VPS54: variants seen among roughly 807,000 people sequenced by gnomAD.
The protein encoded by VPS54 is VPS54 subunit of GARP complex, also known as vacuolar protein sorting-associated protein 54.
VPS54 carries 45 observed loss-of-function variants against 121.5 expected under a neutral mutation model. The observed-to-expected ratio is 0.37, with a 90% CI of 0.29 to 0.47. The LOEUF (loss-of-function observed/expected upper bound fraction) is 0.47, where lower values mean the gene tolerates loss of function less well. Among genes scored for constraint, VPS54 ranks in the 20% least tolerant of loss-of-function variants. VPS54 has a pLI of 0.99. For missense variants in VPS54, 1,090 were observed against 1,131.4 expected (o/e 0.96, Z 0.52); for synonymous variants, 371 against 385.8 (o/e 0.96, Z 0.45).
Position 63,933,844 on chromosome 2 carries a change from C to A in VPS54, c.1568G>T (p.Gly523Val), listed in dbSNP as rs756567695. ...HEGMFISDAF[G>V]EGELTPIAVD... ...TGCTATAGGTGTTAGCTCACCCTCA[C>A]CGAATGCATCACTTATAAACATGCC... Residue 523 changes from glycine (G) to valine (V), a missense_variant, in exon 12 of 23, where the codon GGT becomes GTT. This residue lies in a region of VPS54 where 801 missense variants were observed against 757.0 expected (regional missense o/e 1.06). Coordinates refer to ENST00000272322, the MANE Select transcript of VPS54 (RefSeq NM_016516.3). 1.9e-6 allele frequency: 3 copies of A among 1,613,758 alleles called. No homozygotes were observed. The highest frequency in any genetic ancestry group is 2.5e-6 in the Non-Finnish European group (3 of 1,179,870).
At chr2:63,907,908 TAA>T (rs2104421346) in intron 20 of VPS54, among the ~76,000 whole-genome samples, 2 of 152,158 alleles carry the variant, frequency 1.3e-5, no homozygotes, top group African/African-American at 4.8e-5. Context: ...CATTAAAAAA[TAA>T]AGTGATGGTG....
In VPS54 at chr2:63,892,640, C is replaced by G. The variant is rs1248950033; in HGVS notation, c.*790G>C. 1 of 152,550 alleles carries G rather than the reference C, an allele frequency of 6.6e-6. No individual in the cohort carries two copies. Among genetic ancestry groups the G allele is most frequent in the Non-Finnish European group, 1.5e-5 (1 of 68,012 alleles). The allele number at this position is 152,550 out of a possible 1,614,324, so 9.4% of individuals were successfully genotyped here. On this transcript the variant is annotated 3_prime_UTR_variant, in exon 23 of 23. Coordinates refer to ENST00000272322, the MANE Select transcript of VPS54 (RefSeq NM_016516.3). ...AATAAAAACACCCCAAACCCTTCAT[C>G]ATACTTTTATAAAAATACAGATATT...
At chr2:63,902,500 A>G (rs1672721159) in intron 20 of VPS54, among the ~76,000 whole-genome samples, 1 of 152,108 alleles carries the variant, frequency 6.6e-6, no homozygotes, top group Non-Finnish European at 1.5e-5. Flanking sequence ...ATGCATAAAC[A>G]CTATTTACCT....
chr2:63,954,973 C>T (rs1675426663), intron 7 of VPS54, among the ~76,000 whole-genome samples: 1 of 151,922 alleles, frequency 6.6e-6, no homozygotes, highest in South Asian at 2.1e-4. Context: ...TTACAATAAA[C>T]ACACCATAAG....
Position 64,003,833 on chromosome 2 carries a change from C to G in VPS54, c.-21+15105G>C, listed in dbSNP as rs373803055. Reference sequence around the variant, plus strand: ...TTTTGAAAGGCACTAGAAGCATTGCCTCCCCCAACCCCAACCACCAGCCAG... The same window carrying G: ...TTTTGAAAGGCACTAGAAGCATTGCGTCCCCCAACCCCAACCACCAGCCAG... On this transcript the variant is annotated intron_variant, in intron 1 of 22. Transcript: ENST00000272322. 3.5e-4 allele frequency among the ~76,000 whole-genome samples: 53 copies of G among 152,260 alleles called. 1 individual carries two copies. In the East Asian group the frequency reaches 0.01, roughly 29 times the overall value.
chr2:63,994,870 A>T (rs1677505295), intron 1 of VPS54, among the ~76,000 whole-genome samples: 1 of 152,206 alleles, frequency 6.6e-6, no homozygotes, highest in Admixed American at 6.5e-5. Flanking sequence ...TGGGCACCAA[A>T]GGGCTATTTA....
chr2:63,908,883 TA>T (rs1673015311), intron 20 of VPS54, among the ~76,000 whole-genome samples: 1 of 152,196 alleles, frequency 6.6e-6, no homozygotes, highest in Non-Finnish European at 1.5e-5. Flanking sequence ...CTTCAATAGC[TA>T]GTATGTGACA....
rs199912145 is a variant in VPS54 at position 63,965,864 on chromosome 2, C to T, written c.595G>A (p.Ala199Thr). The stretch of plus-strand genomic sequence containing the variant: ...TCTTGAAGCAACTTTGAGGAAGCTG[C>T]ATCACGATTTCCTTTTCCACCAGCA... ...NTAGGKGNRD[A>T]ASSKLLQEKL... The change falls in exon 6 of 23, where the codon GCA becomes ACA. Residue 199 changes from alanine (A) to threonine (T), a missense_variant. Coordinates refer to ENST00000272322, the MANE Select transcript of VPS54 (RefSeq NM_016516.3). 8.6e-5 allele frequency: 139 copies of T among 1,612,116 alleles called. No homozygotes were observed. In the Admixed American group the frequency reaches 2.2e-3, roughly 25 times the overall value.
At chr2:63,979,271 G>A (rs1388379774) in intron 3 of VPS54, among the ~76,000 whole-genome samples, 7 of 139,182 alleles carry the variant, frequency 5.0e-5, no homozygotes, top group South Asian at 2.2e-4. Flanking sequence ...ACGGAGTCTC[G>A]CTCTGTCACC....
At position 63,919,940 on chromosome 2, in the gene VPS54, C is replaced by A. The variant is rs760773553; in HGVS notation, c.2107G>T (p.Asp703Tyr). 1.2e-6 allele frequency: 2 copies of A among 1,611,856 alleles called. No homozygotes were observed. Among genetic ancestry groups the A allele is most frequent in the Admixed American group, 3.3e-5 (2 of 59,876 alleles). The change falls in exon 15 of 23, where the codon GAT (aspartate) becomes TAT (tyrosine). Residue 703 changes from aspartate to tyrosine, a missense_variant. This residue lies in a region of VPS54 where 289 missense variants were observed against 374.4 expected (regional missense o/e 0.77). Coordinates refer to ENST00000272322, the MANE Select transcript of VPS54 (RefSeq NM_016516.3). ...CCATCTGACAGAGAATCAACAAGATCCTGAAATTCTGCAGGAACATCTGCT... is the reference window on the plus strand; with the variant it reads ...CCATCTGACAGAGAATCAACAAGATACTGAAATTCTGCAGGAACATCTGCT... ...KQADVPAEFQ[D>Y]LVDSLSDGKI...
intron 7 of VPS54, among the ~76,000 whole-genome samples, chr2:63,959,532 A>C (rs1216194985): frequency 1.3e-5 from 2 of 152,216 alleles, no homozygotes; most frequent in Non-Finnish European, 2.9e-5. Context: ...TCTAAAAAAA[A>C]ATAGAAAGAT....
intron 3 of VPS54, among the ~76,000 whole-genome samples, chr2:63,973,297 T>C (rs1299341174): frequency 1.3e-5 from 2 of 152,258 alleles, no homozygotes; most frequent in African/African-American, 4.8e-5. Context: ...CATCTTTTTA[T>C]ATGCTTATTT....
chr2:63,994,437 G>A (rs577671654), intron 1 of VPS54, among the ~76,000 whole-genome samples: 12 of 152,066 alleles, frequency 7.9e-5, no homozygotes, highest in East Asian at 1.9e-4. Flanking sequence ...CTGGATGGAC[G>A]CTCCTGCAGA....
At chr2:64,014,792 CCT>C (rs1361021980) in intron 1 of VPS54, among the ~76,000 whole-genome samples, 1 of 144,036 alleles carries the variant, frequency 6.9e-6, no homozygotes, top group East Asian at 2.0e-4. Flanking sequence ...TATCACTACC[CCT>C]ATTTTATAGA....
At chr2:63,907,645 G>A (rs75601180) in intron 20 of VPS54, among the ~76,000 whole-genome samples, 4,089 of 152,036 alleles carry the variant, frequency 0.027, 178 homozygotes, top group African/African-American at 0.094. Flanking sequence ...TTCATGAAAG[G>A]AGAAGACAAG....
chr2:64,015,502 C>G (rs988320819), intron 1 of VPS54, among the ~76,000 whole-genome samples: 1 of 152,052 alleles, frequency 6.6e-6, no homozygotes, highest in African/African-American at 2.4e-5. Context: ...CCTAGGTTTA[C>G]AATGGTACCA....
chr2:63,995,083 G>C (rs1677516927), intron 1 of VPS54, among the ~76,000 whole-genome samples: 1 of 152,164 alleles, frequency 6.6e-6, no homozygotes, highest in Admixed American at 6.5e-5. Flanking sequence ...CACAACTTTA[G>C]AAATTGGCTA....
rs537687971 is a variant in VPS54 at position 63,926,678 on chromosome 2, G to A, written c.1740-5343C>T. On this transcript the variant is annotated intron_variant, in intron 12 of 22. Coordinates refer to ENST00000272322, the MANE Select transcript of VPS54 (RefSeq NM_016516.3). ...CATGGAGGGTGCGCTGAAGCAGGGC[G>A]GGGCATCGCCTCACCTGGGAAGCAC... 1.1e-4 allele frequency among the ~76,000 whole-genome samples: 16 copies of A among 152,304 alleles called. 1 individual carries two copies. The highest frequency in any genetic ancestry group is 2.2e-4 in the African/African-American group (9 of 41,578).
intron 20 of VPS54, among the ~76,000 whole-genome samples, chr2:63,902,655 C>T (rs1672730550): frequency 2.0e-5 from 3 of 151,950 alleles, no homozygotes; most frequent in Admixed American, 6.6e-5. Flanking sequence ...GATGTTGAAA[C>T]GATTAGAGGG....
Sources: gnomAD v4.1 joint callset for allele counts (sites outside exome capture counted in the v4.1 genomes callset) on GRCh38, gnomAD v4.1.1 for gene constraint, gnomAD v4.1.1 regional missense constraint, MANE v1.5 for transcripts, NCBI Gene and HGNC (gene_info 2026-07-23, HGNC 2026-07-21) for gene names.